The following PTPRN2 variants were observed in gnomAD, a reference collection of about 807,000 sequenced individuals.
PTPRN2 encodes receptor-type tyrosine-protein phosphatase N2.
Under a neutral mutation model 118.8 loss-of-function variants are expected in PTPRN2, and 74 were observed. The observed-to-expected ratio is 0.62, with a 90% confidence interval of 0.52 to 0.76. The LOEUF (loss-of-function observed/expected upper bound fraction) is 0.76, where lower values mean the gene tolerates loss of function less well. PTPRN2 is among the 30% of genes least tolerant of loss of function. The pLI, the probability that PTPRN2 is intolerant of heterozygous loss-of-function variation, is 0.00. For synonymous variants in PTPRN2, 641 were observed against 608.0 expected, an observed-to-expected ratio of 1.05 and a Z score of -0.80; for missense variants, 1,481 against 1,394.4, an observed-to-expected ratio of 1.06 and a Z score of -0.99.
intron 12 of PTPRN2, among the ~76,000 whole-genome samples, chr7:157,851,828 TTC>T (rs1809297477): frequency 6.6e-6 from 1 of 152,248 alleles, no homozygotes; most frequent in African/African-American, 2.4e-5. Flanking sequence ...AAACTTTCTT[TTC>T]TGTTTCTCTT....
At chr7:158,485,857 C>T (rs1334873611) in intron 2 of PTPRN2, among the ~76,000 whole-genome samples, 1 of 152,192 alleles carries the variant, frequency 6.6e-6, no homozygotes, top group Non-Finnish European at 1.5e-5. Context: ...TCCACATTTT[C>T]GCACGGCTGT....
At chr7:157,765,209 C>T (rs1408428235) in intron 12 of PTPRN2, among the ~76,000 whole-genome samples, 1 of 150,076 alleles carries the variant, frequency 6.7e-6, no homozygotes, top group Non-Finnish European at 1.5e-5. Flanking sequence ...TGCATCCATC[C>T]TTCACCCATC....
intron 22 of PTPRN2, among the ~76,000 whole-genome samples, chr7:157,544,504 C>T (rs1563199103): frequency 2.0e-5 from 3 of 152,294 alleles, no homozygotes; most frequent in East Asian, 1.9e-4. Flanking sequence ...GAGTGACGCA[C>T]GGGCAGCACG....
chr7:158,364,552 G>A (rs1297494884), intron 2 of PTPRN2, among the ~76,000 whole-genome samples: 2 of 152,254 alleles, frequency 1.3e-5, no homozygotes, highest in Non-Finnish European at 2.9e-5. Flanking sequence ...ACAGTCACAT[G>A]TAAGCTTAAT....
intron 3 of PTPRN2, among the ~76,000 whole-genome samples, chr7:158,212,262 A>C (rs1563610529): frequency 6.6e-6 from 1 of 152,136 alleles, no homozygotes; most frequent in Non-Finnish European, 1.5e-5. Context: ...GCAAGTGGGA[A>C]TGGTTAATGA....
chr7:158,292,743 C>T (rs559028915), intron 3 of PTPRN2, among the ~76,000 whole-genome samples: 99 of 152,304 alleles, frequency 6.5e-4, no homozygotes, highest in Admixed American at 2.4e-3. Context: ...ATCATCTATA[C>T]ATTAAAAGGT....
At chr7:158,114,074 C>A (rs902887656) in intron 9 of PTPRN2, among the ~76,000 whole-genome samples, 2 of 152,226 alleles carry the variant, frequency 1.3e-5, no homozygotes, top group African/African-American at 2.4e-5. Context: ...AATAAAAAAA[C>A]CAAACCAAAC....
intron 12 of PTPRN2, among the ~76,000 whole-genome samples, chr7:157,709,512 C>A (rs1188050185): frequency 6.6e-6 from 1 of 152,152 alleles, no homozygotes; most frequent in Non-Finnish European, 1.5e-5. Context: ...GACACAGAGG[C>A]CGGGGACCCT....
chr7:157,715,069 G>A (rs571195742), intron 12 of PTPRN2, among the ~76,000 whole-genome samples: 3 of 152,356 alleles, frequency 2.0e-5, no homozygotes, highest in African/African-American at 7.2e-5. Context: ...TGAGCCCGAC[G>A]CGCTTGTCCT....
In PTPRN2 at chr7:157,591,560, C is replaced by T. The variant is rs1226360375; in HGVS notation, c.2496+3678G>A. 2.6e-5 allele frequency among the ~76,000 whole-genome samples: 4 copies of T among 152,204 alleles called. No homozygotes were observed. Among genetic ancestry groups the T allele is most frequent in the Non-Finnish European group, 4.4e-5 (3 of 68,034 alleles). On this transcript the variant is annotated intron_variant, in intron 17 of 22. Coordinates refer to ENST00000389418, the MANE Select transcript of PTPRN2 (RefSeq NM_002847.5). This position sits in a 1 kb window ranked among gnomAD's most constrained non-coding sequence, Gnocchi z 4.4. ...GTGGGTTTGGAAAAGTTCTGCCTTC[C>T]GTGGGAGGTTTTAAAGACAGGTGTT...
intron 2 of PTPRN2, among the ~76,000 whole-genome samples, chr7:158,332,092 A>T (rs1804590045): frequency 6.7e-6 from 1 of 150,060 alleles, no homozygotes; most frequent in African/African-American, 2.5e-5. Flanking sequence ...CACTCTCACC[A>T]TAAGAGCTGA....
intron 11 of PTPRN2, among the ~76,000 whole-genome samples, chr7:158,032,342 C>A (rs1295560235): frequency 1.3e-5 from 2 of 152,306 alleles, no homozygotes; most frequent in East Asian, 3.9e-4. Context: ...GCCCCTGGCC[C>A]TCTCCTGCCC....
chr7:158,319,955 ACACACACACAGCCTCCCT>A (rs1171336778), intron 2 of PTPRN2, among the ~76,000 whole-genome samples: 98 of 45,124 alleles, frequency 2.2e-3, no homozygotes, highest in Non-Finnish European at 3.2e-3. Flanking sequence ...AGCCTCCCTC[ACACACACACAGCCTCCCT>A]CACACACACA....
At chr7:157,971,112 A>G (rs1802302196) in intron 11 of PTPRN2, among the ~76,000 whole-genome samples, 1 of 152,156 alleles carries the variant, frequency 6.6e-6, no homozygotes, top group African/African-American at 2.4e-5. Flanking sequence ...TGTTTTCTCC[A>G]TGAGTTCTTC....
In PTPRN2 at chr7:157,813,493, A is replaced by G. The variant is rs1466100809; in HGVS notation, c.1788+85180T>C. 6.6e-6 allele frequency among the ~76,000 whole-genome samples: 1 copy of G among 152,176 alleles called. No individual in the cohort carries two copies. The highest frequency in any genetic ancestry group is 1.5e-5 in the Non-Finnish European group (1 of 68,018). ...AGGCCCTAATGTCATGGGAAAGTCT[A>G]ACAATTTGTTAAACTTTGTTAGTGT... On this transcript the variant is annotated intron_variant, in intron 12 of 22. Transcript: ENST00000389418. This position sits in a 1 kb window ranked among gnomAD's most constrained non-coding sequence, Gnocchi z 4.7.
chr7:157,938,250 T>C (rs1306935380), intron 11 of PTPRN2, among the ~76,000 whole-genome samples: 1 of 152,222 alleles, frequency 6.6e-6, no homozygotes, highest in Non-Finnish European at 1.5e-5. Context: ...ACCCACTGGT[T>C]GGAAATTACA....
At chr7:157,689,706 T>A (rs1418014277) in intron 12 of PTPRN2, among the ~76,000 whole-genome samples, 1 of 152,170 alleles carries the variant, frequency 6.6e-6, no homozygotes, top group Non-Finnish European at 1.5e-5. Flanking sequence ...AGTTTCTCTC[T>A]GGCGAGCACG....
intron 12 of PTPRN2, among the ~76,000 whole-genome samples, chr7:157,800,413 G>A (rs1331213825): frequency 1.3e-5 from 2 of 152,134 alleles, no homozygotes; most frequent in Non-Finnish European, 2.9e-5. Flanking sequence ...GTGCTTCCCC[G>A]CTGCGCTCCC....
chr7:157,955,749 C>T (rs1801143966), intron 11 of PTPRN2, among the ~76,000 whole-genome samples: 1 of 152,206 alleles, frequency 6.6e-6, no homozygotes, highest in Non-Finnish European at 1.5e-5. Context: ...GGCGGACACC[C>T]TGCGGGGTTT....
Sources: gnomAD v4.1 joint callset for allele counts (sites outside exome capture counted in the v4.1 genomes callset) on GRCh38, gnomAD v4.1.1 for gene constraint, Gnocchi (gnomAD v3.1) non-coding constraint, MANE v1.5 for transcripts, NCBI Gene and HGNC (gene_info 2026-07-23, HGNC 2026-07-21) for gene names.